Variants in PCDH15 observed in about 807,000 individuals in gnomAD.
PCDH15 encodes protocadherin related 15, also known as protocadherin-15.
A neutral mutation model predicts 178.5 loss-of-function variants in PCDH15; 129 were observed. The observed-to-expected ratio is 0.72, with a 90% CI of 0.63 to 0.84. The LOEUF is 0.84. PCDH15 is among the 40% of genes least tolerant of loss of function. The pLI is 0.00. For missense variants in PCDH15, 2,230 were observed against 2,099.9 expected, an observed-to-expected ratio of 1.06 and a Z score of -1.21; for synonymous variants, 800 against 732.0, an observed-to-expected ratio of 1.09 and a Z score of -1.50.
intron 17 of PCDH15, among the ~76,000 whole-genome samples, chr10:54,078,703 C>A (rs1180721035): frequency 1.3e-5 from 2 of 151,072 alleles, no homozygotes; most frequent in Non-Finnish European, 2.9e-5. Context: ...TGAATGAGAT[C>A]GTTCAAATAA....
intron 1 of PCDH15, among the ~76,000 whole-genome samples, chr10:54,782,228 G>C (rs1039019992): frequency 6.6e-6 from 1 of 152,054 alleles, no homozygotes; most frequent in Non-Finnish European, 1.5e-5. Context: ...TGATCTAGTA[G>C]TACAATACTG....
intron 5 of PCDH15, among the ~76,000 whole-genome samples, chr10:54,362,200 G>A (rs1382478756): frequency 3.9e-5 from 6 of 151,918 alleles, no homozygotes; most frequent in African/African-American, 1.4e-4. Flanking sequence ...TTCAAAGTCA[G>A]GAGGTATGAT....
At chr10:54,356,688 C>CA (rs56325148) in intron 5 of PCDH15, among the ~76,000 whole-genome samples, 8,094 of 148,600 alleles carry the variant, frequency 0.054, 235 homozygotes, top group Admixed American at 0.099. Context: ...TCATCAAAAA[C>CA]AAAAAAAAAG....
chr10:54,709,806 T>C (rs2095410136), intron 1 of PCDH15, among the ~76,000 whole-genome samples: 2 of 149,122 alleles, frequency 1.3e-5, no homozygotes, highest in South Asian at 4.2e-4. Flanking sequence ...AATGAGTCAA[T>C]AAACACAGAA....
At chr10:53,923,370 G>C (rs933841137) in intron 25 of PCDH15, among the ~76,000 whole-genome samples, 3 of 152,112 alleles carry the variant, frequency 2.0e-5, no homozygotes, top group Non-Finnish European at 4.4e-5. Context: ...GAATTAGATT[G>C]GGAAGAACTG....
intron 2 of PCDH15, among the ~76,000 whole-genome samples, chr10:54,659,753 C>CAA (rs35761213): frequency 0.047 from 5,239 of 111,428 alleles, 211 homozygotes; most frequent in African/African-American, 0.11. Context: ...GACCCTGTCT[C>CAA]AAAAAAAAAA....
chr10:54,357,995 C>A (rs973023873), intron 5 of PCDH15, among the ~76,000 whole-genome samples: 1 of 151,796 alleles, frequency 6.6e-6, no homozygotes, highest in Non-Finnish European at 1.5e-5. Context: ...CTTCCTTACA[C>A]CTTATACAAA....
intron 6 of PCDH15, among the ~76,000 whole-genome samples, chr10:54,334,813 G>T (rs949488801): frequency 1.3e-5 from 2 of 151,982 alleles, no homozygotes; most frequent in Non-Finnish European, 2.9e-5. Flanking sequence ...AGATAATTAC[G>T]ATTTTCTCTT....
intron 2 of PCDH15, among the ~76,000 whole-genome samples, chr10:55,119,057 G>C (rs1167977208): frequency 6.6e-6 from 1 of 152,112 alleles, no homozygotes; most frequent in African/African-American, 2.4e-5. Context: ...CACGTCTCCT[G>C]GTTTACCATC....
rs71014494 is a variant in PCDH15 at position 55,483,815 on chromosome 10, CAAA to C, written c.-156+143807_-156+143809del. On this transcript the variant is annotated intron_variant, in intron 2 of 5. Coordinates refer to the PCDH15 transcript ENST00000613346. ...TGGGTGAAAGAGTGAGACTCCATCTCAAAAAAAAAAAAAAAAAGACACATGGAT... is the reference window on the plus strand; with the variant it reads ...TGGGTGAAAGAGTGAGACTCCATCTCAAAAAAAAAAAAAAGACACATGGAT... 1.8e-3 allele frequency among the ~76,000 whole-genome samples: 199 copies of C among 111,168 alleles called. 1 individual carries two copies. The highest frequency in any genetic ancestry group is 4.1e-3 in the African/African-American group (124 of 30,514). 72.9% of individuals were successfully genotyped at this position (111,168 alleles called of 152,430 possible).
chr10:54,288,337 AAG>A (rs531923805), intron 8 of PCDH15, among the ~76,000 whole-genome samples: 3 of 151,312 alleles, frequency 2.0e-5, no homozygotes, highest in Non-Finnish European at 2.9e-5. Flanking sequence ...ATACATAAAT[AAG>A]AGAGAGAGAG....
intron 2 of PCDH15, among the ~76,000 whole-genome samples, chr10:55,049,460 TG>T (rs143019707): frequency 0.12 from 18,394 of 151,716 alleles, 1,262 homozygotes; most frequent in Middle Eastern, 0.2. Flanking sequence ...TTCATGATTA[TG>T]GGGGCTGCAT....
intron 20 of PCDH15, among the ~76,000 whole-genome samples, chr10:54,019,116 C>A (rs76768369): frequency 2.2e-4 from 33 of 152,046 alleles, no homozygotes; most frequent in African/African-American, 7.0e-4. Flanking sequence ...TCTGACCAGC[C>A]CTTTTTCATC....
At chr10:54,854,503 T>G (rs943938001) in intron 3 of PCDH15, among the ~76,000 whole-genome samples, 2 of 152,130 alleles carry the variant, frequency 1.3e-5, no homozygotes, top group South Asian at 4.1e-4. Context: ...ATAAAACAGT[T>G]GAGAGGAAAC....
intron 26 of PCDH15, among the ~76,000 whole-genome samples, chr10:53,874,127 A>T (rs540707231): frequency 1.3e-5 from 2 of 152,144 alleles, no homozygotes; most frequent in African/African-American, 4.8e-5. Flanking sequence ...TTCATTTAGA[A>T]TTTTTTTGTT....
At chr10:55,348,179 ATTTAAAT>A (rs1844813859) in intron 2 of PCDH15, among the ~76,000 whole-genome samples, 1 of 152,152 alleles carries the variant, frequency 6.6e-6, no homozygotes. Flanking sequence ...ACATTTAGCT[ATTTAAAT>A]TTAATTCAAT....
intron 1 of PCDH15, among the ~76,000 whole-genome samples, chr10:55,184,744 G>T (rs1451777860): frequency 6.6e-6 from 1 of 151,880 alleles, no homozygotes; most frequent in Non-Finnish European, 1.5e-5. Flanking sequence ...TAAATCAAAT[G>T]ACTTTTCCTC....
At chr10:55,136,145 A>G (rs1838193014) in intron 2 of PCDH15, among the ~76,000 whole-genome samples, 1 of 152,182 alleles carries the variant, frequency 6.6e-6, no homozygotes, top group Admixed American at 6.5e-5. Flanking sequence ...GCACAAAGGC[A>G]TTTATGTAAA....
chr10:53,981,466 CAG>C (rs2090631069), intron 21 of PCDH15, among the ~76,000 whole-genome samples: 1 of 152,132 alleles, frequency 6.6e-6, no homozygotes, highest in Non-Finnish European at 1.5e-5. Context: ...GGTACCAAAA[CAG>C]AGATATAGAT....
Sources: gnomAD v4.1 joint callset for allele counts (sites outside exome capture counted in the v4.1 genomes callset) on GRCh38, gnomAD v4.1.1 for gene constraint, MANE v1.5 for transcripts, NCBI Gene and HGNC (gene_info 2026-07-23, HGNC 2026-07-21) for gene names.